The following IKZF2 variants were observed in gnomAD, a reference collection of about 807,000 sequenced individuals.
IKZF2 encodes the protein IKAROS family zinc finger 2, also known as zinc finger protein Helios.
In IKZF2, 15 loss-of-function variants were observed where a neutral mutation model predicts 49.2. That is an observed-to-expected ratio of 0.30 (90% CI 0.20 to 0.47). IKZF2 has a LOEUF of 0.47. Ranked by LOEUF, IKZF2 falls within the 20% of genes least tolerant of loss-of-function variation. The pLI, the probability that IKZF2 is intolerant of heterozygous loss-of-function variation, is 1.00. For missense variants in IKZF2, 567 were observed against 664.6 expected (o/e 0.85, Z 1.61); for synonymous variants, 227 against 221.4 (o/e 1.03, Z -0.23).
At chr2:213,082,496 T>G (rs895074709) in intron 4 of IKZF2, among the ~76,000 whole-genome samples, 6 of 152,186 alleles carry the variant, frequency 3.9e-5, no homozygotes, top group Admixed American at 3.9e-4. Context: ...AAGGTACATT[T>G]GCACAAAAGA....
At chr2:213,148,960 C>T (rs1030860829) in intron 2 of IKZF2, among the ~76,000 whole-genome samples, 4 of 152,204 alleles carry the variant, frequency 2.6e-5, no homozygotes, top group African/African-American at 9.7e-5. Context: ...AATGTGTCAG[C>T]TTTAACTGGG....
intron 4 of IKZF2, among the ~76,000 whole-genome samples, chr2:213,131,827 A>G (rs2060481872): frequency 6.6e-6 from 1 of 152,154 alleles, no homozygotes; most frequent in South Asian, 2.1e-4. Context: ...GTTAATCTGA[A>G]TAATAATGTC....
rs932118714 is a variant in IKZF2 at position 213,134,930 on chromosome 2, T to C, written c.139+12778A>G. On this transcript the variant is annotated intron_variant, in intron 4 of 8. Coordinates refer to ENST00000434687, the MANE Select transcript of IKZF2 (RefSeq NM_001387220.1). ...CTGTGGCTTGTCCTCCACTTCTGAA[T>C]CTGTTATTTTTATTCTTTCTTTCTT... Among the ~76,000 whole-genome samples, 8 of 152,308 alleles carry C rather than the reference T, an allele frequency of 5.3e-5. No individual in the cohort carries two copies. The South Asian group carries it at 1.7e-3, about 32-fold the overall frequency.
intron 4 of IKZF2, among the ~76,000 whole-genome samples, chr2:213,087,441 A>T (rs1316328684): frequency 2.6e-5 from 4 of 152,202 alleles, no homozygotes; most frequent in Admixed American, 6.5e-5. Flanking sequence ...TTTTATTTAC[A>T]TTAGTGTGTG....
chr2:213,051,065 A>G (rs1700633007), intron 5 of IKZF2, among the ~76,000 whole-genome samples: 1 of 152,050 alleles, frequency 6.6e-6, no homozygotes, highest in South Asian at 2.1e-4. Flanking sequence ...TTGAAATGTC[A>G]TGTTTCATAT....
At chr2:213,066,518 G>C (rs1264806738) in intron 4 of IKZF2, among the ~76,000 whole-genome samples, 1 of 152,046 alleles carries the variant, frequency 6.6e-6, no homozygotes, top group African/African-American at 2.4e-5. Context: ...ACTGGTCTGA[G>C]TCAAATAAAC....
chr2:213,080,390 C>G (rs901213208), intron 4 of IKZF2, among the ~76,000 whole-genome samples: 3 of 152,060 alleles, frequency 2.0e-5, no homozygotes, highest in African/African-American at 7.2e-5. Flanking sequence ...ATCTACTTCT[C>G]TATATATCCA....
At chr2:213,134,611 C>A (rs1260079614) in intron 4 of IKZF2, among the ~76,000 whole-genome samples, 1 of 152,114 alleles carries the variant, frequency 6.6e-6, no homozygotes, top group African/African-American at 2.4e-5. Flanking sequence ...CCCTTAGGAC[C>A]CAGTTCTTTT....
At chr2:213,025,727 A>G (rs1184232739) in intron 6 of IKZF2, among the ~76,000 whole-genome samples, 1 of 152,008 alleles carries the variant, frequency 6.6e-6, no homozygotes, top group Non-Finnish European at 1.5e-5. Flanking sequence ...GATACCCAAA[A>G]CTATCTTCCT....
rs144079919 is a variant in IKZF2, at chr2:213,146,687, G to C, written c.139+1021C>G. ...TAAAAAGAAAAAGTTGCTCTCTCTG[G>C]ATAGTCAGAATACATTTACAAATAT... is the stretch of plus-strand genomic sequence containing the variant. On this transcript the variant is annotated intron_variant, in intron 4 of 8. Coordinates refer to ENST00000434687, the MANE Select transcript of IKZF2 (RefSeq NM_001387220.1). 4.4e-4 allele frequency among the ~76,000 whole-genome samples: 59 copies of C among 132,916 alleles called. 1 individual carries two copies. The highest frequency in any genetic ancestry group is 6.9e-4 in the Non-Finnish European group (44 of 63,888). The allele number at this position is 132,916 out of a possible 152,430, so 87.2% of individuals were successfully genotyped here.
rs1559145363 is a variant in IKZF2, at chr2:213,002,690, A to C, written c.*4670T>G. 1 of 151,930 alleles carries C rather than the reference A, an allele frequency of 6.6e-6. No individual in the cohort carries two copies. The highest frequency in any genetic ancestry group is 1.5e-5 in the Non-Finnish European group (1 of 67,546). 9.4% of individuals were successfully genotyped at this position (151,930 alleles called of 1,614,324 possible). ...ATGACTGTTCAGTTTTGCTTTGTTC[A>C]AGGAGAATTAATTACCTGCTTTTTC... On this transcript the variant is annotated 3_prime_UTR_variant, in exon 9 of 9. Transcript: ENST00000434687.
At chr2:213,019,421 T>G (rs1201547839) in intron 7 of IKZF2, among the ~76,000 whole-genome samples, 1 of 152,212 alleles carries the variant, frequency 6.6e-6, no homozygotes, top group Non-Finnish European at 1.5e-5. Context: ...CGTATGTTAA[T>G]GATGAACTCT....
chr2:213,112,260 T>A (rs2059727257), intron 4 of IKZF2, among the ~76,000 whole-genome samples: 1 of 151,070 alleles, frequency 6.6e-6, no homozygotes, highest in Non-Finnish European at 1.5e-5. Context: ...TAGTACAGAT[T>A]TACTGAACAT....
chr2:213,132,721 C>G (rs1213156479), intron 4 of IKZF2, among the ~76,000 whole-genome samples: 2 of 152,206 alleles, frequency 1.3e-5, no homozygotes, highest in African/African-American at 4.8e-5. Context: ...GTACACCAAG[C>G]AGCCAAGACC....
At position 213,001,267 on chromosome 2, in the gene IKZF2, G is replaced by A. The variant is rs1342653102; in HGVS notation, c.*6093C>T. On this transcript the variant is annotated 3_prime_UTR_variant, in exon 9 of 9. Coordinates refer to ENST00000434687, the MANE Select transcript of IKZF2 (RefSeq NM_001387220.1). Reference sequence around the variant, plus strand: ...CCTCCAAACCTGGAATATTATTATAGTAATGTTAAAGCATTTTTCTCCCAA... The same window carrying A: ...CCTCCAAACCTGGAATATTATTATAATAATGTTAAAGCATTTTTCTCCCAA... 6.6e-6 allele frequency: 1 copy of A among 151,942 alleles called. No homozygotes were observed. The highest frequency in any genetic ancestry group is 1.5e-5 in the Non-Finnish European group (1 of 67,602). The allele number at this position is 151,942 out of a possible 1,614,324, so 9.4% of individuals were successfully genotyped here.
intron 4 of IKZF2, among the ~76,000 whole-genome samples, chr2:213,094,400 T>C (rs908466711): frequency 6.6e-6 from 1 of 152,052 alleles, no homozygotes. Flanking sequence ...CCACAAGCAA[T>C]AGCAAGAGAG....
intron 6 of IKZF2, among the ~76,000 whole-genome samples, chr2:213,043,998 C>T (rs2069267): frequency 0.53 from 81,026 of 152,070 alleles, 22,235 homozygotes; most frequent in East Asian, 0.77. Flanking sequence ...GCTCTGCTCC[C>T]GCAAAAGCTA....
intron 4 of IKZF2, among the ~76,000 whole-genome samples, chr2:213,067,309 G>A (rs1168345288): frequency 2.0e-5 from 3 of 152,036 alleles, no homozygotes; most frequent in Non-Finnish European, 4.4e-5. Flanking sequence ...TGGAAGTACA[G>A]GGAAGATGCA....
intron 4 of IKZF2, among the ~76,000 whole-genome samples, chr2:213,099,144 T>C (rs956258751): frequency 6.6e-6 from 1 of 152,138 alleles, no homozygotes; most frequent in Non-Finnish European, 1.5e-5. Flanking sequence ...TTTATTCATA[T>C]ACTGATGAAG....
Sources: gnomAD v4.1 joint callset for allele counts (sites outside exome capture counted in the v4.1 genomes callset) on GRCh38, gnomAD v4.1.1 for gene constraint, MANE v1.5 for transcripts, NCBI Gene and HGNC (gene_info 2026-07-23, HGNC 2026-07-21) for gene names.